The following SEL1L2 variants were observed in gnomAD, a reference collection of about 807,000 sequenced individuals.
SEL1L2 encodes the protein SEL1L2 adaptor subunit of SYVN1 ubiquitin ligase, also known as protein sel-1 homolog 2.
SEL1L2 carries 89 observed loss-of-function variants against 98.8 expected under a neutral mutation model. That is an observed-to-expected ratio of 0.90 (90% CI 0.76 to 1.07). The LOEUF (loss-of-function observed/expected upper bound fraction) is 1.07, where lower values mean the gene tolerates loss of function less well. Ranked by LOEUF, SEL1L2 falls within the 50% of genes least tolerant of loss-of-function variation. SEL1L2 has a pLI of 0.00. For missense variants in SEL1L2, 788 were observed against 812.0 expected, an observed-to-expected ratio of 0.97 and a Z score of 0.36; for synonymous variants, 262 against 278.5, an observed-to-expected ratio of 0.94 and a Z score of 0.59.
intron 1 of SEL1L2, among the ~76,000 whole-genome samples, chr20:13,964,462 T>A (rs2148482947): frequency 6.8e-6 from 1 of 147,838 alleles, no homozygotes; most frequent in Non-Finnish European, 1.5e-5. Context: ...TTTTTTTTTT[T>A]TTTTTCTGAG....
At chr20:13,953,262 T>A (rs2050358109) in intron 2 of SEL1L2, among the ~76,000 whole-genome samples, 1 of 152,178 alleles carries the variant, frequency 6.6e-6, no homozygotes, top group Non-Finnish European at 1.5e-5. Flanking sequence ...TTTCTCGTTT[T>A]GATACGTGTT....
In SEL1L2 at chr20:13,927,201, C is replaced by A. The variant is rs145109949; in HGVS notation, c.283+4402G>T. 2.0e-3 allele frequency among the ~76,000 whole-genome samples: 300 copies of A among 152,224 alleles called. 6 individuals carry two copies. The South Asian group carries it at 0.033, about 17-fold the overall frequency. ...CCAAATGTACTCTAAAAACGTTAAG[C>A]CTTATTATTTTTATGTAGCACTATA... On this transcript the variant is annotated intron_variant, in intron 3 of 19. Coordinates refer to ENST00000284951, the MANE Select transcript of SEL1L2 (RefSeq NM_025229.2).
chr20:13,935,460 G>A (rs1029873710), intron 2 of SEL1L2, among the ~76,000 whole-genome samples: 2 of 152,340 alleles, frequency 1.3e-5, no homozygotes, highest in African/African-American at 4.8e-5. Flanking sequence ...ACAGGGTGGA[G>A]AAGTTCTATG....
intron 2 of SEL1L2, among the ~76,000 whole-genome samples, chr20:13,954,779 A>T (rs1046678112): frequency 6.6e-6 from 1 of 152,134 alleles, no homozygotes; most frequent in Non-Finnish European, 1.5e-5. Context: ...GCAGGCACTG[A>T]CTTGCAAGAT....
intron 1 of SEL1L2, among the ~76,000 whole-genome samples, chr20:13,975,355 C>T (rs1454908101): frequency 6.6e-6 from 1 of 152,100 alleles, no homozygotes. Flanking sequence ...TTTAATTTTT[C>T]ATCTGGCTGT....
At chr20:13,956,377 A>T (rs1363353442) in intron 1 of SEL1L2, among the ~76,000 whole-genome samples, 1 of 152,152 alleles carries the variant, frequency 6.6e-6, no homozygotes, top group Non-Finnish European at 1.5e-5. Context: ...TCTGAAATTG[A>T]GTTAATAACA....
intron 10 of SEL1L2, among the ~76,000 whole-genome samples, chr20:13,882,487 G>A (rs1419802783): frequency 6.6e-6 from 1 of 152,164 alleles, no homozygotes; most frequent in Non-Finnish European, 1.5e-5. Context: ...TTAGAACTTT[G>A]ACTGCCATGT....
chr20:13,989,918 GA>G (rs1198829518), intron 1 of SEL1L2, among the ~76,000 whole-genome samples: 1 of 151,904 alleles, frequency 6.6e-6, no homozygotes, highest in African/African-American at 2.4e-5. Context: ...TTCTTAAATT[GA>G]ATTTATCATG....
intron 3 of SEL1L2, among the ~76,000 whole-genome samples, chr20:13,919,858 G>T (rs1158719286): frequency 6.6e-6 from 1 of 151,596 alleles, no homozygotes; most frequent in Non-Finnish European, 1.5e-5. Flanking sequence ...CTGGGACGCG[G>T]AGGTTGCAGT....
chr20:13,879,465 C>T (rs2046593130), intron 10 of SEL1L2, among the ~76,000 whole-genome samples: 1 of 152,038 alleles, frequency 6.6e-6, no homozygotes, highest in Non-Finnish European at 1.5e-5. Context: ...GATTCTCCTG[C>T]CTCGGCTTCC....
At chr20:13,901,195 C>G (rs2047663815) in intron 5 of SEL1L2, among the ~76,000 whole-genome samples, 1 of 151,410 alleles carries the variant, frequency 6.6e-6, no homozygotes, top group South Asian at 2.1e-4. Context: ...CTCAGCCTCC[C>G]GAGTAGCTGG....
chr20:13,881,291 C>T (rs1395646801), intron 10 of SEL1L2, among the ~76,000 whole-genome samples: 1 of 152,164 alleles, frequency 6.6e-6, no homozygotes, highest in Non-Finnish European at 1.5e-5. Flanking sequence ...GGATTGCAGG[C>T]GTGAGCCACC....
In SEL1L2 at chr20:13,866,823, T is replaced by G. The variant is rs765632445; in HGVS notation, c.1283A>C (p.Lys428Thr). Residue 428 changes from lysine to threonine, a missense_variant, in exon 15 of 20, where the codon AAA becomes ACA. By Grantham distance (78) the Lys-to-Thr change is moderately conservative (BLOSUM62 -1). Transcript: ENST00000284951. ...YSGSGIWKDYKLAFKYFYLAS... is the reference protein window; with the variant it reads ...YSGSGIWKDYTLAFKYFYLAS... ...CAGGTAAAAATATTTGAAGGCAAGT[T>G]TATAATCCTTCCATATTCCAGAGCC... 6.2e-7 allele frequency: 1 copy of G among 1,611,590 alleles called. No individual in the cohort carries two copies. Among genetic ancestry groups the G allele is most frequent in the Non-Finnish European group, 8.5e-7 (1 of 1,179,182 alleles).
intron 2 of SEL1L2, among the ~76,000 whole-genome samples, chr20:13,933,478 A>ATTT (rs2049251219): frequency 6.6e-6 from 1 of 152,026 alleles, no homozygotes; most frequent in Non-Finnish European, 1.5e-5. Context: ...ACCTCTACAG[A>ATTT]TTTCTCTATT....
intron 1 of SEL1L2, among the ~76,000 whole-genome samples, chr20:13,965,244 C>T (rs1048381131): frequency 6.6e-6 from 1 of 152,208 alleles, no homozygotes; most frequent in African/African-American, 2.4e-5. Flanking sequence ...AGAAGACACT[C>T]ATTCAGGCTG....
intron 2 of SEL1L2, among the ~76,000 whole-genome samples, chr20:13,947,410 T>C (rs925588858): frequency 6.6e-6 from 1 of 152,004 alleles, no homozygotes; most frequent in Non-Finnish European, 1.5e-5. Flanking sequence ...GTAAGAGCTG[T>C]GTTCATCAGG....
At chr20:13,933,963 G>GTTTTT (rs55934887) in intron 2 of SEL1L2, among the ~76,000 whole-genome samples, 1 of 143,816 alleles carries the variant, frequency 7.0e-6, no homozygotes. Context: ...TAAACCTAAG[G>GTTTTT]TTTTTTTTTT....
intron 2 of SEL1L2, among the ~76,000 whole-genome samples, chr20:13,950,916 A>C (rs1398090436): frequency 6.6e-6 from 1 of 152,168 alleles, no homozygotes; most frequent in Non-Finnish European, 1.5e-5. Flanking sequence ...ACTAGGTTTC[A>C]GTTAAGATGA....
At chr20:13,962,400 A>G (rs2050820720) in intron 1 of SEL1L2, among the ~76,000 whole-genome samples, 1 of 152,188 alleles carries the variant, frequency 6.6e-6, no homozygotes, top group African/African-American at 2.4e-5. Flanking sequence ...CAATGCTGTG[A>G]GACCACCATG....
Sources: gnomAD v4.1 joint callset for allele counts (sites outside exome capture counted in the v4.1 genomes callset) on GRCh38, gnomAD v4.1.1 for gene constraint, MANE v1.5 for transcripts, NCBI Gene and HGNC (gene_info 2026-07-23, HGNC 2026-07-21) for gene names.